The following ENAH variants were observed in gnomAD, a reference collection of about 807,000 sequenced individuals.
ENAH encodes protein enabled homolog.
In ENAH, 23 loss-of-function variants were observed where a neutral mutation model predicts 78.7. That is an observed-to-expected ratio of 0.29 (90% confidence interval 0.21 to 0.41). The LOEUF is 0.41. Ranked by LOEUF, ENAH falls within the 10% of genes least tolerant of loss-of-function variation. The pLI, the probability that ENAH is intolerant of heterozygous loss-of-function variation, is 1.00. For missense variants in ENAH, 544 were observed against 691.0 expected (o/e 0.79, Z 2.39); for synonymous variants, 226 against 241.0 (o/e 0.94, Z 0.58).
intron 2 of ENAH, among the ~76,000 whole-genome samples, chr1:225,562,072 G>A (rs919502339): frequency 2.0e-5 from 3 of 151,948 alleles, no homozygotes; most frequent in Non-Finnish European, 4.4e-5. Flanking sequence ...ACAGGCGCGC[G>A]CCACTACGTC....
intron 2 of ENAH, among the ~76,000 whole-genome samples, chr1:225,566,738 G>A (rs755112283): frequency 8.5e-5 from 13 of 152,180 alleles, no homozygotes; most frequent in Non-Finnish European, 1.8e-4. Flanking sequence ...TCCAGAGCGA[G>A]GAATTAGTAA....
At chr1:225,639,605 T>A (rs1160659381) in intron 1 of ENAH, among the ~76,000 whole-genome samples, 1 of 152,000 alleles carries the variant, frequency 6.6e-6, no homozygotes, top group Non-Finnish European at 1.5e-5. Flanking sequence ...CTTGGACTTC[T>A]CAGCCTCCGA....
intron 1 of ENAH, among the ~76,000 whole-genome samples, chr1:225,647,881 T>C (rs1662257063): frequency 6.6e-6 from 1 of 152,078 alleles, no homozygotes. Flanking sequence ...ACCATGAATA[T>C]AAAAATCCTC....
intron 1 of ENAH, among the ~76,000 whole-genome samples, chr1:225,628,764 G>C (rs781648364): frequency 6.6e-6 from 1 of 151,530 alleles, no homozygotes; most frequent in Non-Finnish European, 1.5e-5. Context: ...AAAAATAGCC[G>C]GGCGTGGTGG....
intron 4 of ENAH, among the ~76,000 whole-genome samples, chr1:225,522,183 T>C (rs749501587): frequency 2.0e-5 from 3 of 152,210 alleles, no homozygotes; most frequent in Non-Finnish European, 4.4e-5. Context: ...CAAAGCTAAA[T>C]GACAGCACAT....
At chr1:225,625,670 C>T (rs548167946) in intron 1 of ENAH, among the ~76,000 whole-genome samples, 7 of 152,248 alleles carry the variant, frequency 4.6e-5, no homozygotes, top group African/African-American at 1.7e-4. Flanking sequence ...CATGTGCCAA[C>T]GTGCCCGGCT....
At chr1:225,584,515 C>A (rs539078671) in intron 1 of ENAH, among the ~76,000 whole-genome samples, 6 of 151,978 alleles carry the variant, frequency 3.9e-5, no homozygotes, top group African/African-American at 1.4e-4. Flanking sequence ...ACAGAAGGGA[C>A]AAACAGAATA....
intron 12 of ENAH, 103 bp downstream of exon 12, chr1:225,500,886 ATCG>A: frequency 9.7e-7 from 1 of 1,031,890 alleles, no homozygotes; most frequent in Non-Finnish European, 1.4e-6. Flanking sequence ...CAATAGCTCT[ATCG>A]TCTTTCTAAG....
At chr1:225,643,408 A>C (rs1558955378) in intron 1 of ENAH, among the ~76,000 whole-genome samples, 1 of 152,074 alleles carries the variant, frequency 6.6e-6, no homozygotes, top group African/African-American at 2.4e-5. Context: ...AAAAAAAAAA[A>C]CAAAACACAG....
At chr1:225,535,843 T>A (rs2096559099) in intron 3 of ENAH, among the ~76,000 whole-genome samples, 1 of 151,298 alleles carries the variant, frequency 6.6e-6, no homozygotes, top group African/African-American at 2.4e-5. Flanking sequence ...AGTTATACGG[T>A]CAAAGAGTGC....
At chr1:225,622,614 C>A (rs1288282235) in intron 1 of ENAH, among the ~76,000 whole-genome samples, 3 of 152,120 alleles carry the variant, frequency 2.0e-5, no homozygotes, top group African/African-American at 4.8e-5. Context: ...TTGGTGAGGG[C>A]ATGCTGTTCA....
chr1:225,490,588 A>C lies in ENAH; in HGVS notation c.*7187T>G, dbSNP rs1364410904. 2.0e-5 allele frequency: 3 copies of C among 151,978 alleles called. No individual in the cohort carries two copies. Among genetic ancestry groups the C allele is most frequent in the Non-Finnish European group, 4.4e-5 (3 of 67,980 alleles). The allele number at this position is 151,978 out of a possible 1,614,324, so 9.4% of individuals were successfully genotyped here. ...CACTCCGTCAAAAATTTTTTTTTGC[A>C]ATTGAAACTTAAAATGATCAAGCCC... On this transcript the variant is annotated 3_prime_UTR_variant, in exon 14 of 14. Transcript: ENST00000366843.
intron 1 of ENAH, among the ~76,000 whole-genome samples, chr1:225,587,440 G>C (rs1352637973): frequency 6.6e-6 from 1 of 152,034 alleles, no homozygotes; most frequent in Non-Finnish European, 1.5e-5. Context: ...ACCCAAAAAA[G>C]AAAATCTTCA....
chr1:225,642,602 C>G (rs777404733), intron 1 of ENAH, among the ~76,000 whole-genome samples: 1 of 151,814 alleles, frequency 6.6e-6, no homozygotes, highest in African/African-American at 2.4e-5. Context: ...CCCAGGAGTT[C>G]GAGGTTGCAG....
At chr1:225,625,488 T>C (rs1271319392) in intron 1 of ENAH, among the ~76,000 whole-genome samples, 1 of 152,194 alleles carries the variant, frequency 6.6e-6, no homozygotes, top group African/African-American at 2.4e-5. Flanking sequence ...CCTGTCAATA[T>C]AACAGATTAC....
At chr1:225,507,045 A>C (rs2096337387) in intron 11 of ENAH, among the ~76,000 whole-genome samples, 1 of 152,110 alleles carries the variant, frequency 6.6e-6, no homozygotes, top group South Asian at 2.1e-4. Flanking sequence ...AACCAAGAAA[A>C]GGTTTCATCT....
intron 5 of ENAH, chr1:225,517,688 T>G (rs931137233): frequency 6.4e-7 from 1 of 1,550,826 alleles, no homozygotes; most frequent in African/African-American, 1.4e-5. Context: ...GAAGAGGGTG[T>G]GTTCACAGGA....
At chr1:225,633,674 C>T (rs951444590) in intron 1 of ENAH, among the ~76,000 whole-genome samples, 1 of 152,240 alleles carries the variant, frequency 6.6e-6, no homozygotes, top group Admixed American at 6.5e-5. Context: ...ATGGCTTATT[C>T]GAATCCATTA....
intron 1 of ENAH, among the ~76,000 whole-genome samples, chr1:225,631,874 A>G (rs1659146425): frequency 6.6e-6 from 1 of 152,116 alleles, no homozygotes; most frequent in East Asian, 1.9e-4. Context: ...TAAAGACATC[A>G]TTTGATCCCT....
Sources: gnomAD v4.1 joint callset for allele counts (sites outside exome capture counted in the v4.1 genomes callset) on GRCh38, gnomAD v4.1.1 for gene constraint, MANE v1.5 for transcripts, NCBI Gene and HGNC (gene_info 2026-07-23, HGNC 2026-07-21) for gene names.